The following DYNLL1 variants were observed in gnomAD, a reference collection of about 807,000 sequenced individuals.
DYNLL1 encodes the protein dynein light chain LC8-type 1.
DYNLL1 carries 3 observed loss-of-function variants against 10.1 expected under a neutral mutation model. That is an observed-to-expected ratio of 0.30 (90% confidence interval 0.14 to 0.77). The LOEUF is 0.77. DYNLL1 is among the 30% of genes least tolerant of loss of function. The pLI is 0.66. For missense variants in DYNLL1, 47 were observed against 111.7 expected (o/e 0.42, Z 2.61); for synonymous variants, 46 against 41.2 (o/e 1.12, Z -0.45).
chr12:120,484,947 C>A (rs1177107729), intron 1 of DYNLL1, among the ~76,000 whole-genome samples: 1 of 152,202 alleles, frequency 6.6e-6, no homozygotes, highest in Non-Finnish European at 1.5e-5. Flanking sequence ...ACCATATTGG[C>A]CAGGCTGGTC....
upstream of DYNLL1, among the ~76,000 whole-genome samples, chr12:120,494,198 A>G (rs1029521035): frequency 4.6e-5 from 7 of 151,980 alleles, no homozygotes; most frequent in African/African-American, 1.7e-4. Flanking sequence ...CCTGAATCTC[A>G]TCATTAGAAA....
intron 1 of DYNLL1, among the ~76,000 whole-genome samples, chr12:120,478,095 A>AGTTTTTTTTTTTGTTGTT: frequency 6.9e-6 from 1 of 143,930 alleles, no homozygotes; most frequent in Non-Finnish European, 1.5e-5. Context: ...CCCGGCCAAA[A>AGTTTTTTTTTTTGTTGTT]GTTTTTTTTT....
chr12:120,480,978 C>G (rs1245966443), intron 1 of DYNLL1, among the ~76,000 whole-genome samples: 1 of 152,162 alleles, frequency 6.6e-6, no homozygotes, highest in Non-Finnish European at 1.5e-5. Context: ...CCAGGATGGT[C>G]TCGATCTCCT....
rs1201520746 is a variant in DYNLL1 at position 120,496,144 on chromosome 12, C to G, written c.-79C>G. 3.7e-6 allele frequency: 2 copies of G among 542,614 alleles called. No individual in the cohort carries two copies. Among genetic ancestry groups the G allele is most frequent in the Admixed American group, 3.4e-5 (1 of 29,778 alleles). The allele number at this position is 542,614 out of a possible 1,614,324, so 33.6% of individuals were successfully genotyped here. ...GCCACGGTTTCGGTAGCGACGGTATCTCTAGCCGGGCCTGAGCTGTGCTAG... is the reference window on the plus strand; with the variant it reads ...GCCACGGTTTCGGTAGCGACGGTATGTCTAGCCGGGCCTGAGCTGTGCTAG... On this transcript the variant is annotated 5_prime_UTR_variant, in exon 1 of 3. In the 5' UTR this introduces an upstream ATG that the reference lacks. Coordinates refer to ENST00000242577, the MANE Select transcript of DYNLL1 (RefSeq NM_003746.3).
intron 1 of DYNLL1, among the ~76,000 whole-genome samples, chr12:120,478,543 G>T (rs1395652811): frequency 6.6e-6 from 1 of 150,940 alleles, no homozygotes; most frequent in Non-Finnish European, 1.5e-5. Flanking sequence ...CACCATGCCT[G>T]GCCTAAAAAA....
intron 1 of DYNLL1, among the ~76,000 whole-genome samples, chr12:120,486,016 TTTA>T (rs1035955576): frequency 2.6e-5 from 4 of 152,154 alleles, no homozygotes; most frequent in Non-Finnish European, 5.9e-5. Flanking sequence ...ACCATGTGCA[TTTA>T]TTATTTTTGT....
chr12:120,481,071 A>T (rs960489357), intron 1 of DYNLL1, among the ~76,000 whole-genome samples: 1 of 151,742 alleles, frequency 6.6e-6, no homozygotes, highest in Admixed American at 6.6e-5. Context: ...CATATTTCTT[A>T]ATTTCTTTTT....
upstream of DYNLL1, chr12:120,495,689 T>TGGTGGGGGGGCGGGGG (rs1879248741): frequency 1.3e-4 from 1 of 7,726 alleles, no homozygotes; most frequent in Non-Finnish European, 2.6e-4. Context: ...CGACCTGTCG[T>TGGTGGGGGGGCGGGGG]GGTGGGGGGG....
chr12:120,494,005 G>A (rs1231226898), upstream of DYNLL1: 1 of 152,010 alleles, frequency 6.6e-6, no homozygotes, highest in Non-Finnish European at 1.5e-5. Flanking sequence ...AATAACAGGG[G>A]TAGTGTAGTG....
intron 1 of DYNLL1, among the ~76,000 whole-genome samples, chr12:120,487,262 C>T (rs1407643470): frequency 3.2e-4 from 40 of 124,900 alleles, no homozygotes; most frequent in African/African-American, 1.0e-3. Context: ...CGTAAGCCAC[C>T]GTGCCCGGCC....
At chr12:120,489,234 C>A (rs1269035918) in intron 1 of DYNLL1, among the ~76,000 whole-genome samples, 2 of 152,198 alleles carry the variant, frequency 1.3e-5, no homozygotes, top group Non-Finnish European at 2.9e-5. Context: ...AATTATAGCT[C>A]AAGGCTGGCC....
At chr12:120,494,152 A>T (rs560908407), upstream of DYNLL1, among the ~76,000 whole-genome samples, 2 of 152,244 alleles carry the variant, frequency 1.3e-5, no homozygotes, top group African/African-American at 4.8e-5. Context: ...TTCTTCCTCA[A>T]GAGAGGTACT....
chr12:120,487,272 CTTTTTTTTTTTTTTTTTTTTTTT>C (rs71076619), intron 1 of DYNLL1, among the ~76,000 whole-genome samples: 3 of 50,382 alleles, frequency 6.0e-5, no homozygotes, highest in East Asian at 5.9e-4. Flanking sequence ...CGTGCCCGGC[CTTTTTTTTTTTTTTTTTTTTTTT>C]TTTTTTTTTT....
chr12:120,479,468 A>AAAAT (rs1555221140), intron 1 of DYNLL1, among the ~76,000 whole-genome samples: 18 of 109,574 alleles, frequency 1.6e-4, no homozygotes, highest in South Asian at 2.9e-4. Context: ...AAAAAAAAAA[A>AAAAT]AATAATAATA....
upstream of DYNLL1, chr12:120,494,022 T>A (rs1461713664): frequency 6.6e-6 from 1 of 152,044 alleles, no homozygotes; most frequent in Non-Finnish European, 1.5e-5. Context: ...AGTGTAGATA[T>A]GGAAAAAAAT....
Position 120,476,764 on chromosome 12 carries a change from A to G in DYNLL1, c.-7+6660A>G, listed in dbSNP as rs577533833. On this transcript the variant is annotated intron_variant, in intron 1 of 2. Transcript: ENST00000392509. ...GTAGCTGGGATTACAGGCATGCACCACCACACCTGGCTAATTCTGTATTTT... is the reference window on the plus strand; with the variant it reads ...GTAGCTGGGATTACAGGCATGCACCGCCACACCTGGCTAATTCTGTATTTT... Among the ~76,000 whole-genome samples, 18 of 151,942 alleles carry G rather than the reference A, an allele frequency of 1.2e-4. No homozygotes were observed. In the South Asian group the frequency reaches 2.1e-3, roughly 17 times the overall value.
intron 1 of DYNLL1, among the ~76,000 whole-genome samples, chr12:120,481,366 G>A (rs543249837): frequency 2.6e-5 from 4 of 152,166 alleles, no homozygotes; most frequent in Admixed American, 1.3e-4. Flanking sequence ...CCACAAGACC[G>A]CCCCCACTTT....
At chr12:120,496,741 GTTTTTT>G in intron 2 of DYNLL1, 188 bp downstream of exon 2, 3 of 582,238 alleles carry the variant, frequency 5.2e-6, no homozygotes, top group Non-Finnish European at 8.6e-6. Context: ...GGCGTCCGAA[GTTTTTT>G]TTTTTTTTTT....
At chr12:120,491,619 T>C (rs768623377), upstream of DYNLL1, 3 of 152,360 alleles carry the variant, frequency 2.0e-5, no homozygotes, top group Non-Finnish European at 4.4e-5. Flanking sequence ...CCTGGGGCAG[T>C]AGTGAGGAAC....
Sources: gnomAD v4.1 joint callset for allele counts (sites outside exome capture counted in the v4.1 genomes callset) on GRCh38, gnomAD v4.1.1 for gene constraint, MANE v1.5 for transcripts, NCBI Gene and HGNC (gene_info 2026-07-23, HGNC 2026-07-21) for gene names.